The following PLXDC2 variants were observed in gnomAD, a reference collection of about 807,000 sequenced individuals.
The protein encoded by PLXDC2 is plexin domain-containing protein 2.
PLXDC2 carries 40 observed loss-of-function variants against 68.9 expected under a neutral mutation model. The ratio of observed to expected loss-of-function variants is 0.58; its 90% CI spans 0.45 to 0.76. The LOEUF is 0.76. Among genes scored for constraint, PLXDC2 ranks in the 30% least tolerant of loss-of-function variants. The pLI is 0.00. For missense variants in PLXDC2, 644 were observed against 661.9 expected (o/e 0.97, Z 0.30); for synonymous variants, 243 against 234.2 (o/e 1.04, Z -0.34).
intron 12 of PLXDC2, among the ~76,000 whole-genome samples, chr10:20,244,990 T>A (rs1835569988): frequency 2.0e-5 from 3 of 152,164 alleles, no homozygotes; most frequent in Non-Finnish European, 4.4e-5. Context: ...GACTCACACC[T>A]GTAATCCCAG....
chr10:20,176,634 A>G (rs981508755), intron 7 of PLXDC2, among the ~76,000 whole-genome samples: 10 of 152,170 alleles, frequency 6.6e-5, no homozygotes, highest in African/African-American at 2.4e-4. Flanking sequence ...TAAACACTTT[A>G]GCTTTAGTAT....
At chr10:19,829,767 A>G (rs1465856966) in intron 1 of PLXDC2, among the ~76,000 whole-genome samples, 1 of 152,140 alleles carries the variant, frequency 6.6e-6, no homozygotes, top group Non-Finnish European at 1.5e-5. Context: ...ATGTACAGAG[A>G]AGGTAGAGAT....
chr10:19,851,392 T>G (rs1313627977), intron 1 of PLXDC2, among the ~76,000 whole-genome samples: 1 of 152,190 alleles, frequency 6.6e-6, no homozygotes, highest in African/African-American at 2.4e-5. Context: ...TGACAAAGAT[T>G]TCTTGCCTGC....
chr10:19,869,619 A>C (rs1837496236), intron 1 of PLXDC2, among the ~76,000 whole-genome samples: 1 of 152,150 alleles, frequency 6.6e-6, no homozygotes, highest in African/African-American at 2.4e-5. Flanking sequence ...CAATGTGGTT[A>C]GTTATTATAT....
chr10:19,858,258 A>G (rs1443963534), intron 1 of PLXDC2, among the ~76,000 whole-genome samples: 1 of 152,068 alleles, frequency 6.6e-6, no homozygotes, highest in Non-Finnish European at 1.5e-5. Context: ...TTCTATGCTC[A>G]TTTATCTGCC....
At position 20,204,343 on chromosome 10, in the gene PLXDC2, A is replaced by G. The variant is rs1834961216; in HGVS notation, c.1062-7326A>G. 2.0e-5 allele frequency among the ~76,000 whole-genome samples: 3 copies of G among 152,148 alleles called. No individual in the cohort carries two copies. The South Asian group carries it at 6.2e-4, about 31-fold the overall frequency. On this transcript the variant is annotated intron_variant, in intron 9 of 13. Transcript: ENST00000377252. ...TACAGCTCTATACTACCAGTTACCT[A>G]TTTTATGTCATAATAAAACATGTTA...
intron 2 of PLXDC2, among the ~76,000 whole-genome samples, chr10:20,040,542 T>C (rs1052897393): frequency 2.0e-5 from 3 of 152,168 alleles, no homozygotes; most frequent in African/African-American, 4.8e-5. Context: ...TAAATCCTCG[T>C]CTTGCTCTCG....
chr10:20,256,584 C>T lies in PLXDC2; in HGVS notation c.1473+11079C>T, dbSNP rs1327011782. Among the ~76,000 whole-genome samples, 5 of 151,842 alleles carry T rather than the reference C, an allele frequency of 3.3e-5. No individual in the cohort carries two copies. In the East Asian group the frequency reaches 9.6e-4, roughly 29 times the overall value. ...GTTATAATTATTAAAATTTATTGTG[C>T]CCCTAGATTTGTAATAAGATTTAAT... On this transcript the variant is annotated intron_variant, in intron 13 of 13. Coordinates refer to ENST00000377252, the MANE Select transcript of PLXDC2 (RefSeq NM_032812.9).
intron 12 of PLXDC2, among the ~76,000 whole-genome samples, chr10:20,234,572 G>T (rs962053789): frequency 6.6e-6 from 1 of 151,466 alleles, no homozygotes; most frequent in African/African-American, 2.4e-5. Flanking sequence ...GTCCTATGTG[G>T]CACAGTTTAT....
intron 4 of PLXDC2, among the ~76,000 whole-genome samples, chr10:20,104,641 T>C (rs756470045): frequency 1.3e-5 from 2 of 152,192 alleles, no homozygotes; most frequent in East Asian, 1.9e-4. Flanking sequence ...ATAAATATTG[T>C]TGGCACGTGG....
At chr10:19,870,624 C>G (rs1338687828) in intron 1 of PLXDC2, among the ~76,000 whole-genome samples, 3 of 151,970 alleles carry the variant, frequency 2.0e-5, no homozygotes, top group Non-Finnish European at 4.4e-5. Context: ...TGGGGTTTCA[C>G]CATGTTGGCC....
intron 4 of PLXDC2, among the ~76,000 whole-genome samples, chr10:20,082,279 A>G (rs1472907343): frequency 1.3e-5 from 2 of 151,846 alleles, no homozygotes; most frequent in Non-Finnish European, 2.9e-5. Context: ...TTATATATCA[A>G]TATTGTTTCA....
intron 12 of PLXDC2, among the ~76,000 whole-genome samples, chr10:20,222,725 G>C (rs948891043): frequency 3.9e-5 from 6 of 151,970 alleles, no homozygotes; most frequent in African/African-American, 1.2e-4. Flanking sequence ...TGGTGGCATG[G>C]GCCTGTAGTC....
At position 20,044,849 on chromosome 10, in the gene PLXDC2, G is replaced by A. The variant is rs532069805; in HGVS notation, c.325-2020G>A. Among the ~76,000 whole-genome samples, 419 of 152,264 alleles carry A rather than the reference G, an allele frequency of 2.8e-3. 6 individuals carry two copies. The highest frequency in any genetic ancestry group is 9.1e-3 in the African/African-American group (377 of 41,564). On this transcript the variant is annotated intron_variant, in intron 2 of 13. Coordinates refer to ENST00000377252, the MANE Select transcript of PLXDC2 (RefSeq NM_032812.9). Reference sequence around the variant, plus strand: ...TGTAATAACATGAGCAAAATGGCTTGTGCCCAATGTCAAGGAAGGTTCCCA... The same window carrying A: ...TGTAATAACATGAGCAAAATGGCTTATGCCCAATGTCAAGGAAGGTTCCCA...
At chr10:19,931,980 T>TGTGTGTG in intron 1 of PLXDC2, among the ~76,000 whole-genome samples, 1 of 151,626 alleles carries the variant, frequency 6.6e-6, no homozygotes, top group Non-Finnish European at 1.5e-5. Context: ...TGTGTGTGTG[T>TGTGTGTG]TTAAGCTAAA....
intron 1 of PLXDC2, among the ~76,000 whole-genome samples, chr10:19,881,113 C>A (rs928604199): frequency 3.3e-5 from 5 of 151,738 alleles, no homozygotes; most frequent in Admixed American, 2.6e-4. Flanking sequence ...GTGTAAGATG[C>A]GATTTTTTTT....
intron 1 of PLXDC2, among the ~76,000 whole-genome samples, chr10:19,953,959 G>A (rs775110743): frequency 1.3e-5 from 2 of 152,108 alleles, no homozygotes; most frequent in Non-Finnish European, 2.9e-5. Context: ...TGGAAGTGTG[G>A]GCGGGGTGAT....
chr10:20,185,181 A>C (rs993776187), intron 9 of PLXDC2, among the ~76,000 whole-genome samples: 9 of 151,214 alleles, frequency 6.0e-5, no homozygotes, highest in South Asian at 4.2e-4. Context: ...AAAAAAAAAA[A>C]AAAAAACTAT....
At chr10:19,975,540 C>T (rs1170856156) in intron 1 of PLXDC2, among the ~76,000 whole-genome samples, 2 of 151,940 alleles carry the variant, frequency 1.3e-5, no homozygotes, top group Non-Finnish European at 2.9e-5. Context: ...TAATCCAGCC[C>T]CTGTCACACA....
Sources: allele counts gnomAD v4.1 joint callset (sites outside exome capture counted in the v4.1 genomes callset), GRCh38; gene constraint gnomAD v4.1.1; transcripts MANE v1.5; gene names NCBI Gene and HGNC (gene_info 2026-07-23, HGNC 2026-07-21).